Variants in ZC3H12B observed in about 807,000 individuals in gnomAD.
ZC3H12B encodes zinc finger CCCH-type containing 12B, also known as probable ribonuclease ZC3H12B.
Under a neutral mutation model 43.9 loss-of-function variants are expected in ZC3H12B, and 7 were observed. The ratio of observed to expected loss-of-function variants is 0.16; its 90% CI spans 0.09 to 0.30. The LOEUF is 0.30. ZC3H12B is among the 10% of genes least tolerant of loss of function. ZC3H12B has a pLI of 1.00. For synonymous variants in ZC3H12B, 222 were observed against 241.7 expected, an observed-to-expected ratio of 0.92 and a Z score of 0.76; for missense variants, 475 against 670.2, an observed-to-expected ratio of 0.71 and a Z score of 3.22.
chrX:65,451,001 G>A (rs1457194068), intron 3 of ZC3H12B, among the ~76,000 whole-genome samples: 2 of 106,491 alleles, frequency 1.9e-5, no homozygotes, highest in African/African-American at 6.9e-5. Context: ...AGGCTGAAGT[G>A]CAGTGGTGCG....
At chrX:65,294,766 A>G in the ZC3H12B span, among the ~76,000 whole-genome samples, 2 of 111,844 alleles carry the variant, frequency 1.8e-5, no homozygotes, top group Admixed American at 9.5e-5. Context: ...GGGACATTAT[A>G]TGATGATAAA....
the ZC3H12B span, among the ~76,000 whole-genome samples, chrX:65,334,654 T>A: frequency 9.0e-6 from 1 of 111,459 alleles, no homozygotes; most frequent in Admixed American, 9.6e-5. Context: ...CCAGTAGTTA[T>A]AAGATTTTTC....
the ZC3H12B span, among the ~76,000 whole-genome samples, chrX:65,111,946 T>G: frequency 8.9e-6 from 1 of 111,776 alleles, no homozygotes; most frequent in Non-Finnish European, 1.9e-5. Flanking sequence ...TCACTTTAGA[T>G]CAAAGGCCAG....
the ZC3H12B span, chrX:65,330,762 A>T: frequency 2.1e-5 from 3 of 140,904 alleles, no homozygotes; most frequent in East Asian, 6.2e-4. Flanking sequence ...AGCCCACTTG[A>T]TCATGGTGGA....
the ZC3H12B span, among the ~76,000 whole-genome samples, chrX:65,169,637 T>A: frequency 8.9e-6 from 1 of 111,858 alleles, no homozygotes. Flanking sequence ...AGTGGGGTGT[T>A]AAAGTCTCCC....
the ZC3H12B span, among the ~76,000 whole-genome samples, chrX:65,297,970 A>G: frequency 8.9e-6 from 1 of 112,012 alleles, no homozygotes. Flanking sequence ...CTGGATCATC[A>G]TCTCTCACCT....
At chrX:65,055,333 A>G in the ZC3H12B span, among the ~76,000 whole-genome samples, 2 of 111,766 alleles carry the variant, frequency 1.8e-5, no homozygotes, top group African/African-American at 6.5e-5. Flanking sequence ...TTCTGCATCT[A>G]TCGAGATAAT....
chrX:65,472,746 TTC>T (rs1241830831), intron 3 of ZC3H12B, among the ~76,000 whole-genome samples: 2 of 99,852 alleles, frequency 2.0e-5, no homozygotes, highest in Non-Finnish European at 4.0e-5. Context: ...GTGGATTTAT[TTC>T]TCTGTTTTCA....
At chrX:65,491,841 G>A (rs2068208953) in intron 1 of ZC3H12B, among the ~76,000 whole-genome samples, 1 of 109,496 alleles carries the variant, frequency 9.1e-6, no homozygotes, top group African/African-American at 3.3e-5. Flanking sequence ...AGGCTAGACA[G>A]CTCCTTTGTT....
chrX:65,402,723 C>G (rs1326523802), intron 3 of ZC3H12B, among the ~76,000 whole-genome samples: 2 of 112,635 alleles, frequency 1.8e-5, no homozygotes, highest in Admixed American at 1.9e-4. Context: ...TTACGACCAT[C>G]AAGGTGCAAC....
chrX:65,176,460 T>C, the ZC3H12B span, among the ~76,000 whole-genome samples: 1 of 111,521 alleles, frequency 9.0e-6, no homozygotes, highest in Non-Finnish European at 1.9e-5. Context: ...TGGGCGCAAC[T>C]TCTGCAGATT....
chrX:65,452,818 G>C (rs189456785), intron 3 of ZC3H12B, among the ~76,000 whole-genome samples: 4 of 103,626 alleles, frequency 3.9e-5, no homozygotes, highest in Non-Finnish European at 5.8e-5. Flanking sequence ...TCCAGCCTGG[G>C]CAACAGAGTG....
chrX:65,374,152 G>A (rs1159029388), intron 2 of ZC3H12B, among the ~76,000 whole-genome samples: 1 of 74,654 alleles, frequency 1.3e-5, no homozygotes, highest in African/African-American at 5.5e-5. Flanking sequence ...TATATATACA[G>A]TGTATATATA....
chrX:65,036,137 G>T, the ZC3H12B span, among the ~76,000 whole-genome samples: 1 of 111,928 alleles, frequency 8.9e-6, no homozygotes, highest in African/African-American at 3.3e-5. Flanking sequence ...GTGATTAGAT[G>T]AGGTTCTAAA....
chrX:65,377,803 A>C (rs2066367688), intron 2 of ZC3H12B, among the ~76,000 whole-genome samples: 1 of 111,832 alleles, frequency 8.9e-6, no homozygotes, highest in African/African-American at 3.2e-5. Context: ...AGTGAGCAAT[A>C]AGAAATCATC....
At chrX:65,271,325 C>T in the ZC3H12B span, 1 of 112,608 alleles carries the variant, frequency 8.9e-6, no homozygotes, top group Non-Finnish European at 1.9e-5. Context: ...CATGTCTTAA[C>T]ATATGGAAGT....
At chrX:65,256,657 A>C in the ZC3H12B span, among the ~76,000 whole-genome samples, 1 of 111,643 alleles carries the variant, frequency 9.0e-6, no homozygotes, top group Non-Finnish European at 1.9e-5. Context: ...ACCAACCCCC[A>C]AGCTAGCAGA....
chrX:65,407,583 C>T lies in ZC3H12B; in HGVS notation n.407+8879C>T, dbSNP rs1444715588. 2.6e-5 allele frequency among the ~76,000 whole-genome samples: 3 copies of T among 113,621 alleles called. No homozygotes were observed. The Admixed American group carries it at 2.7e-4, about 10-fold the overall frequency. ...GTGGGGTTAGCGGGGGCCGCCGCGC[C>T]ACCTGCGCCTCGCCCGCCGCCGCCT... is the stretch of plus-strand genomic sequence containing the variant. On this transcript the variant is annotated intron_variant and non_coding_transcript_variant, in intron 3 of 5. Coordinates refer to the ZC3H12B transcript ENST00000617377.
At chrX:65,115,593 A>G in the ZC3H12B span, among the ~76,000 whole-genome samples, 1 of 111,760 alleles carries the variant, frequency 8.9e-6, no homozygotes, top group South Asian at 3.7e-4. Flanking sequence ...GCTGAATCAA[A>G]CAGTAGACCT....
Sources: allele counts gnomAD v4.1 joint callset (sites outside exome capture counted in the v4.1 genomes callset), GRCh38; gene constraint gnomAD v4.1.1; transcripts MANE v1.5; gene names NCBI Gene and HGNC (gene_info 2026-07-23, HGNC 2026-07-21).